Variants in C11orf65 observed in about 807,000 individuals in gnomAD.
C11orf65 encodes protein MFI.
Under a neutral mutation model 35.3 loss-of-function variants are expected in C11orf65, and 38 were observed. That is an observed-to-expected ratio of 1.08 (90% confidence interval 0.83 to 1.41). The LOEUF is 1.41. Among genes scored for constraint, C11orf65 ranks in the 40% most tolerant of loss-of-function variants. The pLI is 0.00. For synonymous variants in C11orf65, 105 were observed against 114.4 expected (o/e 0.92, Z 0.53); for missense variants, 370 against 367.1 (o/e 1.01, Z -0.06).
rs1037819286 is a variant in C11orf65, at chr11:108,316,262, G to A, written c.641-7191C>T. The A allele has an allele frequency of 9.4e-5, 82 of 873,330 alleles. No individual in the cohort carries two copies. In the South Asian group the frequency reaches 1.0e-3, roughly 11 times the overall value. The allele number at this position is 873,330 out of a possible 1,614,324, so 54.1% of individuals were successfully genotyped here. A position where few individuals can be genotyped will look rare whatever the true frequency, so the allele number is the denominator to read the frequency against. On this transcript the variant is annotated intron_variant, in intron 6 of 6. Transcript: ENST00000525729. Reference sequence around the variant, plus strand: ...TCAGAGGATTAGGCTAAACATTCAGGGATACTCCTGAAGCAGAGGGATGCA... The same window carrying A: ...TCAGAGGATTAGGCTAAACATTCAGAGATACTCCTGAAGCAGAGGGATGCA...
intron 2 of C11orf65, among the ~76,000 whole-genome samples, chr11:108,461,075 C>G (rs1387960312): frequency 1.3e-5 from 2 of 151,106 alleles, no homozygotes; most frequent in African/African-American, 2.4e-5. Context: ...TGCAAGTATA[C>G]TAAAAGCTAC....
chr11:108,345,121 A>G lies in C11orf65; in HGVS notation c.227-9829T>C, dbSNP rs556350755. Among the ~76,000 whole-genome samples the G allele has an allele frequency of 8.5e-5, 13 of 152,336 alleles. No homozygotes were observed. In the East Asian group the frequency reaches 2.5e-3, roughly 29 times the overall value. ...GCATTGAAGAATAGAAGAGGTGACTAAAGTTTGCCAGAGATGAAGTATTTG... is the reference window on the plus strand; with the variant it reads ...GCATTGAAGAATAGAAGAGGTGACTGAAGTTTGCCAGAGATGAAGTATTTG... On this transcript the variant is annotated intron_variant, in intron 2 of 3. Transcript: ENST00000524755.
chr11:108,354,737 G>A (rs1441321117), intron 2 of C11orf65: 43 of 1,233,664 alleles, frequency 3.5e-5, no homozygotes, highest in Non-Finnish European at 4.7e-5. Flanking sequence ...CTACACATGA[G>A]AGTATACAGA....
chr11:108,431,646 G>A (rs1198906808), intron 3 of C11orf65, 100 bp downstream of exon 3: 12 of 613,500 alleles, frequency 2.0e-5, no homozygotes, highest in Admixed American at 3.1e-5. Flanking sequence ...AATAAAAACA[G>A]TTTTAAAAAG....
At chr11:108,389,637 G>A (rs2092099473) in intron 7 of C11orf65, among the ~76,000 whole-genome samples, 2 of 152,066 alleles carry the variant, frequency 1.3e-5, no homozygotes, top group African/African-American at 4.8e-5. Flanking sequence ...ATGCTATGAA[G>A]AAATTGCTTC....
In C11orf65 at chr11:108,312,448, A is replaced by G. The variant is rs876660935; in HGVS notation, c.641-3377T>C. The stretch of plus-strand genomic sequence containing the variant: ...TGAAGAAGGAAGCCAGAGTACAACT[A>G]TTTCTAGCTTGAGTGAAAAAAGTAA... On this transcript the variant is annotated intron_variant, in intron 6 of 6. Coordinates refer to the C11orf65 transcript ENST00000525729. 3 of 1,596,496 alleles carry G rather than the reference A, an allele frequency of 1.9e-6. No homozygotes were observed. Among genetic ancestry groups the G allele is most frequent in the Non-Finnish European group, 2.6e-6 (3 of 1,164,272 alleles).
At chr11:108,312,801 G>A (rs1009034683) in intron 6 of C11orf65, among the ~76,000 whole-genome samples, 1 of 152,096 alleles carries the variant, frequency 6.6e-6, no homozygotes, top group African/African-American at 2.4e-5. Context: ...ATAGCACTTA[G>A]GGTTTATAAT....
At chr11:108,403,807 A>G (rs1278475627) in intron 6 of C11orf65, among the ~76,000 whole-genome samples, 1 of 152,152 alleles carries the variant, frequency 6.6e-6, no homozygotes, top group Non-Finnish European at 1.5e-5. Context: ...AACAATATAC[A>G]TGGGGGTTTA....
At chr11:108,358,624 G>T (rs879581962) in intron 2 of C11orf65, among the ~76,000 whole-genome samples, 1 of 137,530 alleles carries the variant, frequency 7.3e-6, no homozygotes, top group Non-Finnish European at 1.6e-5. Context: ...AGCCAGAAGA[G>T]AGTGGGGGCC....
chr11:108,339,755 GC>G (rs2087296217), intron 2 of C11orf65, among the ~76,000 whole-genome samples: 3 of 152,058 alleles, frequency 2.0e-5, no homozygotes, highest in African/African-American at 7.2e-5. Context: ...CCGCCCCAGA[GC>G]TAGATATTGA....
At position 108,382,973 on chromosome 11, in the gene C11orf65, T is replaced by C. The variant is rs72992103; in HGVS notation, c.*48A>G. ...TACACTATCTCTTGGCTATAACTGA[T>C]GGATGGAAGGCTCAAAGGGCTATAA... On this transcript the variant is annotated 3_prime_UTR_variant, in exon 9 of 9. Transcript: ENST00000393084. 0.025 allele frequency: 39,363 copies of C among 1,603,024 alleles called. 640 individuals are homozygous for C. The highest frequency in any genetic ancestry group is 0.045 in the South Asian group (4,003 of 88,612).
At chr11:108,460,925 A>C (rs2093466574) in intron 2 of C11orf65, among the ~76,000 whole-genome samples, 1 of 151,934 alleles carries the variant, frequency 6.6e-6, no homozygotes, top group Non-Finnish European at 1.5e-5. Context: ...GGGTCTCTCC[A>C]TGTTCGTCAG....
At chr11:108,310,591 C>CA (rs1417301461) in intron 6 of C11orf65, among the ~76,000 whole-genome samples, 1 of 151,918 alleles carries the variant, frequency 6.6e-6, no homozygotes, top group Non-Finnish European at 1.5e-5. Flanking sequence ...TGTATATTCC[C>CA]CATAATAGCC....
At chr11:108,434,568 G>C (rs12291754) in intron 2 of C11orf65, among the ~76,000 whole-genome samples, 3,984 of 151,582 alleles carry the variant, frequency 0.026, 186 homozygotes, top group African/African-American at 0.091. Flanking sequence ...CTACCCACTA[G>C]ATCTGGCTAC....
At chr11:108,311,230 C>G (rs973486551) in intron 6 of C11orf65, among the ~76,000 whole-genome samples, 1 of 152,148 alleles carries the variant, frequency 6.6e-6, no homozygotes, top group African/African-American at 2.4e-5. Flanking sequence ...CCACCTCAGC[C>G]TTTCAAAGTG....
intron 3 of C11orf65, among the ~76,000 whole-genome samples, chr11:108,415,364 G>A (rs539978374): frequency 6.6e-6 from 1 of 151,808 alleles, no homozygotes; most frequent in African/African-American, 2.4e-5. Context: ...ATATCAGCAC[G>A]CAAAAAAGTA....
chr11:108,317,124 G>A (rs1218678072), intron 6 of C11orf65, among the ~76,000 whole-genome samples: 1 of 149,070 alleles, frequency 6.7e-6, no homozygotes, highest in Non-Finnish European at 1.5e-5. Context: ...AAAAATTGTA[G>A]AGACAGGTCT....
intron 6 of C11orf65, among the ~76,000 whole-genome samples, chr11:108,314,798 G>A (rs1591770159): frequency 6.6e-6 from 1 of 152,146 alleles, no homozygotes; most frequent in East Asian, 1.9e-4. Context: ...AAAGTAGCTT[G>A]AGAAAAGAAA....
intron 2 of C11orf65, among the ~76,000 whole-genome samples, chr11:108,449,771 C>T (rs2135621649): frequency 6.6e-6 from 1 of 151,976 alleles, no homozygotes. Flanking sequence ...GCAACAAAAG[C>T]CAAAATTGAC....
Sources: gnomAD v4.1 joint callset for allele counts (sites outside exome capture counted in the v4.1 genomes callset) on GRCh38, gnomAD v4.1.1 for gene constraint, MANE v1.5 for transcripts, NCBI Gene and HGNC (gene_info 2026-07-23, HGNC 2026-07-21) for gene names.